Variants in ADGRL3 observed in about 807,000 individuals in gnomAD.
ADGRL3 encodes the protein adhesion G protein-coupled receptor L3, also known as calcium-independent alpha-latrotoxin receptor 3.
Under a neutral mutation model 153.5 loss-of-function variants are expected in ADGRL3, and 62 were observed. The ratio of observed to expected loss-of-function variants is 0.40; its 90% CI spans 0.33 to 0.50. ADGRL3 has a LOEUF of 0.50. ADGRL3 is among the 20% of genes least tolerant of loss of function. ADGRL3 has a pLI of 0.47. For synonymous variants in ADGRL3, 710 were observed against 672.5 expected, an observed-to-expected ratio of 1.06 and a Z score of -0.86; for missense variants, 1,641 against 1,859.4, an observed-to-expected ratio of 0.88 and a Z score of 2.16.
intron 8 of ADGRL3, chr4:61,775,940 G>A (rs1468833174): frequency 5.5e-6 from 1 of 181,644 alleles, no homozygotes; most frequent in South Asian, 1.9e-4. Context: ...TCACTCTGTC[G>A]CCCAGGCTGG....
chr4:61,478,897 T>C (rs1052451208), intron 2 of ADGRL3, among the ~76,000 whole-genome samples: 8 of 152,082 alleles, frequency 5.3e-5, no homozygotes, highest in Non-Finnish European at 1.2e-4. Flanking sequence ...TATGTTTCCA[T>C]GGTAAAGAAA....
At position 61,513,261 on chromosome 4, in the gene ADGRL3, A is replaced by C. The variant is rs111376394; in HGVS notation, c.56-4054A>C. On this transcript the variant is annotated intron_variant, in intron 3 of 26. Transcript: ENST00000683033. ...AGTTGGTTAGAAACAGTACTTACTT[A>C]ATTTTAAAAAAATTATAAATCAGTA... is the stretch of plus-strand genomic sequence containing the variant. 7.3e-4 allele frequency among the ~76,000 whole-genome samples: 111 copies of C among 152,282 alleles called. 1 individual carries two copies. The highest frequency in any genetic ancestry group is 2.5e-3 in the African/African-American group (106 of 41,572).
intron 2 of ADGRL3, among the ~76,000 whole-genome samples, chr4:61,445,928 A>G (rs2152493426): frequency 6.6e-6 from 1 of 152,306 alleles, no homozygotes; most frequent in South Asian, 2.1e-4. Context: ...ATGTTTAGAT[A>G]CACAAATACT....
At chr4:61,770,217 T>C (rs2097067184) in intron 8 of ADGRL3, among the ~76,000 whole-genome samples, 1 of 152,226 alleles carries the variant, frequency 6.6e-6, no homozygotes, top group South Asian at 2.1e-4. Context: ...TTACCTACAT[T>C]TATAGAGGAG....
rs755679347 is a variant in ADGRL3, at chr4:61,452,335, C to T, written c.-173-44786C>T. Among the ~76,000 whole-genome samples, 23 of 101,940 alleles carry T rather than the reference C, an allele frequency of 2.3e-4. 1 individual carries two copies. Among genetic ancestry groups the T allele is most frequent in the Admixed American group, 2.0e-3 (23 of 11,764 alleles). The allele number at this position is 101,940 out of a possible 152,430, so 66.9% of individuals were successfully genotyped here. A position where few individuals can be genotyped will look rare whatever the true frequency, so the allele number is the denominator to read the frequency against. ...CCTTGCCTTCTGCCCAGTTCTGCTT[C>T]CCTTCTGCCCAGTTCTGCTTCCCTT... On this transcript the variant is annotated intron_variant, in intron 2 of 26. Transcript: ENST00000683033.
At chr4:61,654,345 G>T (rs183194896) in intron 5 of ADGRL3, among the ~76,000 whole-genome samples, 2 of 151,752 alleles carry the variant, frequency 1.3e-5, no homozygotes, top group African/African-American at 2.4e-5. Flanking sequence ...TTGGATATGC[G>T]TACAAATATA....
chr4:61,343,452 A>G (rs1308096121), intron 1 of ADGRL3, among the ~76,000 whole-genome samples: 2 of 152,160 alleles, frequency 1.3e-5, no homozygotes, highest in Non-Finnish European at 2.9e-5. Flanking sequence ...CAGCCTGGCA[A>G]GATGCCTTAC....
intron 1 of ADGRL3, among the ~76,000 whole-genome samples, chr4:61,222,007 C>G (rs971785082): frequency 2.6e-5 from 4 of 152,148 alleles, no homozygotes; most frequent in African/African-American, 7.2e-5. Flanking sequence ...TCCATCATAA[C>G]CATAATTGCA....
chr4:61,383,461 A>G (rs1405091940), intron 2 of ADGRL3, among the ~76,000 whole-genome samples: 2 of 151,772 alleles, frequency 1.3e-5, no homozygotes, highest in African/African-American at 4.8e-5. Context: ...AGTTATATGA[A>G]AAATAAATGA....
chr4:61,734,149 A>G (rs938694525), intron 8 of ADGRL3, among the ~76,000 whole-genome samples: 1 of 152,208 alleles, frequency 6.6e-6, no homozygotes, highest in East Asian at 1.9e-4. Context: ...GCAATTTTTT[A>G]TAGAGTTTTA....
chr4:61,392,524 A>G (rs1410364634), intron 2 of ADGRL3, among the ~76,000 whole-genome samples: 2 of 151,514 alleles, frequency 1.3e-5, no homozygotes, highest in East Asian at 2.0e-4. Flanking sequence ...CATCTCTACT[A>G]AGAATACAAA....
intron 8 of ADGRL3, among the ~76,000 whole-genome samples, chr4:61,811,867 G>A (rs1242005136): frequency 6.6e-6 from 1 of 152,044 alleles, no homozygotes; most frequent in African/African-American, 2.4e-5. Context: ...TGTGGTTATT[G>A]TCTTAGGTGA....
At chr4:61,861,667 T>C (rs916444050) in intron 9 of ADGRL3, among the ~76,000 whole-genome samples, 1 of 151,962 alleles carries the variant, frequency 6.6e-6, no homozygotes, top group African/African-American at 2.4e-5. Context: ...AAATGATAGT[T>C]ATTGATAGTT....
chr4:61,355,816 TA>T (rs998860322), intron 1 of ADGRL3, among the ~76,000 whole-genome samples: 18 of 152,216 alleles, frequency 1.2e-4, no homozygotes, highest in African/African-American at 4.3e-4. Context: ...AAGTGTTGAA[TA>T]AATGGATGAA....
intron 6 of ADGRL3, among the ~76,000 whole-genome samples, chr4:61,713,587 T>C (rs940051704): frequency 3.3e-5 from 5 of 151,952 alleles, no homozygotes; most frequent in African/African-American, 1.2e-4. Flanking sequence ...ATTCCAAGCA[T>C]TCTCTGTCTC....
chr4:61,413,753 AAAC>A (rs2097113838), intron 2 of ADGRL3, among the ~76,000 whole-genome samples: 1 of 139,810 alleles, frequency 7.2e-6, no homozygotes, highest in South Asian at 2.6e-4. Context: ...GTTAAACAAC[AAAC>A]AACAAACAAA....
intron 2 of ADGRL3, among the ~76,000 whole-genome samples, chr4:61,434,290 A>C (rs2097415809): frequency 6.6e-6 from 1 of 152,098 alleles, no homozygotes; most frequent in African/African-American, 2.4e-5. Context: ...AAATGCTGGC[A>C]AATTCTGTAT....
chr4:61,636,633 C>T (rs77419915), intron 5 of ADGRL3, among the ~76,000 whole-genome samples: 4,284 of 151,864 alleles, frequency 0.028, 154 homozygotes, highest in East Asian at 0.14. Flanking sequence ...GAAATGTTAC[C>T]AGATACGTAT....
intron 1 of ADGRL3, among the ~76,000 whole-genome samples, chr4:61,370,739 A>T (rs1044320485): frequency 2.6e-5 from 4 of 151,944 alleles, no homozygotes; most frequent in African/African-American, 9.6e-5. Context: ...GTAGATGTCT[A>T]TTAGGTCCGC....
Sources: allele counts gnomAD v4.1 joint callset (sites outside exome capture counted in the v4.1 genomes callset), GRCh38; gene constraint gnomAD v4.1.1; transcripts MANE v1.5; gene names NCBI Gene and HGNC (gene_info 2026-07-23, HGNC 2026-07-21).